Variants in CDK8 observed in about 807,000 individuals in gnomAD.
CDK8 encodes the protein cyclin dependent kinase 8.
In CDK8, 29 loss-of-function variants were observed where a neutral mutation model predicts 71.5. The ratio of observed to expected loss-of-function variants is 0.41; its 90% CI spans 0.30 to 0.55. The LOEUF is 0.55. CDK8 is among the 20% of genes least tolerant of loss of function. The pLI is 0.37. For synonymous variants in CDK8, 161 were observed against 192.1 expected, an observed-to-expected ratio of 0.84 and a Z score of 1.34; for missense variants, 288 against 572.6, an observed-to-expected ratio of 0.50 and a Z score of 5.07.
At chr13:26,328,012 G>C (rs1230285867) in intron 1 of CDK8, among the ~76,000 whole-genome samples, 4 of 136,474 alleles carry the variant, frequency 2.9e-5, no homozygotes, top group Non-Finnish European at 4.7e-5. Flanking sequence ...TGGAAATACT[G>C]TGGTCACTAA....
intron 4 of CDK8, 117 bp downstream of exon 4, chr13:26,353,997 G>A (rs1301303151): frequency 4.8e-6 from 4 of 826,006 alleles, no homozygotes; most frequent in Non-Finnish European, 8.0e-6. Context: ...GAAGTAGTGA[G>A]AATGCTACCT....
At chr13:26,307,636 T>C (rs1343800906) in intron 1 of CDK8, among the ~76,000 whole-genome samples, 1 of 152,222 alleles carries the variant, frequency 6.6e-6, no homozygotes, top group Non-Finnish European at 1.5e-5. Flanking sequence ...TCATTTGTTA[T>C]AGCAGCAGTA....
At chr13:26,392,019 TC>T (rs1875767053) in intron 6 of CDK8, among the ~76,000 whole-genome samples, 1 of 152,242 alleles carries the variant, frequency 6.6e-6, no homozygotes, top group Non-Finnish European at 1.5e-5. Context: ...TTTGATTTGT[TC>T]CCTTTGGTTA....
At chr13:26,324,126 A>C (rs558832461) in intron 1 of CDK8, among the ~76,000 whole-genome samples, 59 of 152,212 alleles carry the variant, frequency 3.9e-4, no homozygotes, top group Non-Finnish European at 7.3e-4. Context: ...AGAGTGCAAG[A>C]GTGAGAAGGT....
Position 26,388,805 on chromosome 13 carries a change from CAA to C in CDK8, c.646+3464_646+3465del, listed in dbSNP as rs369268343. 4.5e-4 allele frequency among the ~76,000 whole-genome samples: 69 copies of C among 152,272 alleles called. No individual in the cohort carries two copies. In the East Asian group the frequency reaches 0.012, roughly 27 times the overall value. ...CTTAGGGAGCTAGATTCTCTTGTCC[CAA>C]TGGCTGTATGATTTGGGAGAGAGGC... On this transcript the variant is annotated intron_variant, in intron 6 of 12. Transcript: ENST00000381527.
intron 1 of CDK8, among the ~76,000 whole-genome samples, chr13:26,323,841 C>T (rs1217541451): frequency 6.6e-6 from 1 of 152,008 alleles, no homozygotes; most frequent in South Asian, 2.1e-4. Flanking sequence ...TATCTATTTC[C>T]AGTGTTTGCC....
chr13:26,310,427 A>G (rs1874229794), intron 1 of CDK8, among the ~76,000 whole-genome samples: 1 of 152,112 alleles, frequency 6.6e-6, no homozygotes, highest in Non-Finnish European at 1.5e-5. Context: ...ATTCTAGTGC[A>G]TTACATTTAT....
chr13:26,289,236 G>T (rs1025899625), intron 1 of CDK8, among the ~76,000 whole-genome samples: 13 of 151,460 alleles, frequency 8.6e-5, no homozygotes, highest in African/African-American at 3.2e-4. Flanking sequence ...TGTATTTTTA[G>T]TAGAGATGGA....
intron 1 of CDK8, among the ~76,000 whole-genome samples, chr13:26,329,469 G>GTTTTTTTTTTTTTTTTTTTTTT (rs35796023): frequency 4.2e-5 from 3 of 71,568 alleles, no homozygotes; most frequent in African/African-American, 8.0e-5. Context: ...GCCTATTTCT[G>GTTTTTTTTTTTTTTTTTTTTTT]TTTTTTTTTT....
Position 26,254,271 on chromosome 13 carries a change from G to A in CDK8, c.-371G>A, listed in dbSNP as rs1871408659. On this transcript the variant is annotated 5_prime_UTR_variant, in exon 1 of 13. Transcript: ENST00000381527. The surrounding 1 kb of genome is among the most constrained non-coding windows in gnomAD (Gnocchi z 6.7). ...GGACGAGAGCCCGCCTGGCCGCCCC[G>A]CCGCTCCCGCCGCAGCAGGAGCAGA... 3.6e-6 allele frequency: 1 copy of A among 276,352 alleles called. No homozygotes were observed. The highest frequency in any genetic ancestry group is 5.5e-5 in the Admixed American group (1 of 18,116). The allele number at this position is 276,352 out of a possible 1,614,324, so 17.1% of individuals were successfully genotyped here.
intron 1 of CDK8, among the ~76,000 whole-genome samples, chr13:26,311,933 A>C (rs1874300599): frequency 6.6e-6 from 1 of 152,230 alleles, no homozygotes; most frequent in Admixed American, 6.5e-5. Context: ...ATAAAGAATC[A>C]GGAAGAATAG....
chr13:26,327,062 G>A (rs1213295201), intron 1 of CDK8, among the ~76,000 whole-genome samples: 1 of 152,076 alleles, frequency 6.6e-6, no homozygotes, highest in Non-Finnish European at 1.5e-5. Flanking sequence ...GATTAATAAG[G>A]ATACTGAAAT....
chr13:26,366,023 G>A (rs759465251), intron 4 of CDK8, among the ~76,000 whole-genome samples: 7 of 151,986 alleles, frequency 4.6e-5, no homozygotes, highest in Non-Finnish European at 1.0e-4. Flanking sequence ...TAGTAATAGA[G>A]TCAGGTTTTA....
intron 1 of CDK8, among the ~76,000 whole-genome samples, chr13:26,293,574 A>C: frequency 6.8e-6 from 1 of 146,214 alleles, no homozygotes; most frequent in South Asian, 2.2e-4. Flanking sequence ...CACTGACTCC[A>C]GCCTGGGCAA....
intron 4 of CDK8, among the ~76,000 whole-genome samples, chr13:26,357,931 A>C (rs1019240321): frequency 1.3e-5 from 2 of 152,212 alleles, no homozygotes; most frequent in African/African-American, 4.8e-5. Flanking sequence ...CATCCAACAA[A>C]ACATTCACGG....
chr13:26,369,002 A>G (rs941775904), intron 4 of CDK8, among the ~76,000 whole-genome samples: 1 of 152,008 alleles, frequency 6.6e-6, no homozygotes, highest in Non-Finnish European at 1.5e-5. Flanking sequence ...TATTTTCACA[A>G]GTAAGTTTGG....
chr13:26,262,930 A>G (rs964621847), intron 1 of CDK8, among the ~76,000 whole-genome samples: 4 of 152,234 alleles, frequency 2.6e-5, no homozygotes, highest in African/African-American at 9.6e-5. Flanking sequence ...ATTGTAATCC[A>G]TGAATTCTAA....
rs569129949 is a variant in CDK8 at position 26,341,720 on chromosome 13, ATATATTTG to A, written c.204+4081_204+4088del. Reference sequence around the variant, plus strand: ...AGTTTGAAGTATTAATTTATTTTTTATATATTTGTACTATAGAAGTTCAAATTAAATGT... The same window carrying A: ...AGTTTGAAGTATTAATTTATTTTTTATACTATAGAAGTTCAAATTAAATGT... On this transcript the variant is annotated intron_variant, in intron 2 of 12. Transcript: ENST00000381527. 2.3e-4 allele frequency among the ~76,000 whole-genome samples: 35 copies of A among 152,248 alleles called. No homozygotes were observed. The South Asian group carries it at 7.2e-3, about 32-fold the overall frequency.
At chr13:26,277,743 A>G (rs886398884) in intron 1 of CDK8, among the ~76,000 whole-genome samples, 1 of 152,210 alleles carries the variant, frequency 6.6e-6, no homozygotes, top group Non-Finnish European at 1.5e-5. Flanking sequence ...GGATAGAAGC[A>G]CTTTATTTTG....
Sources: gnomAD v4.1 joint callset for allele counts (sites outside exome capture counted in the v4.1 genomes callset) on GRCh38, gnomAD v4.1.1 for gene constraint, Gnocchi (gnomAD v3.1) non-coding constraint, MANE v1.5 for transcripts, NCBI Gene and HGNC (gene_info 2026-07-23, HGNC 2026-07-21) for gene names.